The following NECAB2 variants were observed in gnomAD, a reference collection of about 807,000 sequenced individuals.
The protein encoded by NECAB2 is N-terminal EF-hand calcium-binding protein 2.
Under a neutral mutation model 51.9 loss-of-function variants are expected in NECAB2, and 68 were observed. The observed-to-expected ratio is 1.31, with a 90% confidence interval of 1.08 to 1.60. The LOEUF (loss-of-function observed/expected upper bound fraction) is 1.60, where lower values mean the gene tolerates loss of function less well. NECAB2 is among the 40% of genes most tolerant of loss of function. NECAB2 has a pLI of 0.00. For missense variants in NECAB2, 854 were observed against 490.3 expected, an observed-to-expected ratio of 1.74 and a Z score of -7.00; for synonymous variants, 329 against 203.5, an observed-to-expected ratio of 1.62 and a Z score of -5.25.
chr16:83,995,587 C>G (rs1196798020), intron 8 of NECAB2, among the ~76,000 whole-genome samples: 1 of 152,212 alleles, frequency 6.6e-6, no homozygotes, highest in Non-Finnish European at 1.5e-5. Flanking sequence ...CCACATAAGC[C>G]AAGGTAACTG....
At chr16:83,997,577 T>G (rs1242453077) in intron 9 of NECAB2, among the ~76,000 whole-genome samples, 5 of 137,710 alleles carry the variant, frequency 3.6e-5, no homozygotes. Context: ...AACCTCTGCC[T>G]CCTGGGTTCA....
chr16:83,968,958 C>A, intron 1 of NECAB2, 109 bp downstream of exon 1: 1 of 653,804 alleles, frequency 1.5e-6, no homozygotes, highest in Non-Finnish European at 1.9e-6. Flanking sequence ...CCTCCCTACC[C>A]GGGCAGGAGA....
At chr16:83,999,585 C>G (rs973611733) in intron 10 of NECAB2, among the ~76,000 whole-genome samples, 2 of 152,128 alleles carry the variant, frequency 1.3e-5, no homozygotes, top group African/African-American at 4.8e-5. Flanking sequence ...TCCTCCCCAG[C>G]TTTTGGCCCC....
At chr16:83,989,290 A>T (rs958628393) in intron 5 of NECAB2, among the ~76,000 whole-genome samples, 29 of 152,190 alleles carry the variant, frequency 1.9e-4, no homozygotes, top group African/African-American at 7.0e-4. Flanking sequence ...GTACTCTGTC[A>T]GGGTCTGTCC....
chr16:83,981,725 C>T (rs1017189153), intron 5 of NECAB2, among the ~76,000 whole-genome samples: 5 of 152,204 alleles, frequency 3.3e-5, no homozygotes, highest in Admixed American at 2.6e-4. Flanking sequence ...GGGAGTGTAG[C>T]ATGAGACTCC....
chr16:83,993,620 CTGTGTGTGTGTGTG>C lies in NECAB2; in HGVS notation c.597-646_597-633del, dbSNP rs57610964. ...TGTGCTGGACACAGTGCAAGGTGAGCTGTGTGTGTGTGTGTGTGTGTGTGTGTGTGTGTGTGTGT... is the reference window on the plus strand; with the variant it reads ...TGTGCTGGACACAGTGCAAGGTGAGCTGTGTGTGTGTGTGTGTGTGTGTGT... On this transcript the variant is annotated intron_variant, in intron 6 of 12. Coordinates refer to ENST00000305202, the MANE Select transcript of NECAB2 (RefSeq NM_019065.3). 988 of 135,438 alleles carry C rather than the reference CTGTGTGTGTGTGTG, an allele frequency of 7.3e-3. 6 individuals carry two copies. The highest frequency in any genetic ancestry group is 0.024 in the African/African-American group (883 of 36,508). The allele number at this position is 135,438 out of a possible 1,614,324, so 8.4% of individuals were successfully genotyped here.
chr16:84,002,014 G>C lies in NECAB2; in HGVS notation c.1132+98G>C. Reference sequence around the variant, plus strand: ...ATATCTCCCGGGGACTTGCCTGCTTGCTGTGGGCCCACTGTCAGCTCCTGC... The same window carrying C: ...ATATCTCCCGGGGACTTGCCTGCTTCCTGTGGGCCCACTGTCAGCTCCTGC... On this transcript the variant is annotated intron_variant, in intron 12 of 12. Coordinates refer to ENST00000305202, the MANE Select transcript of NECAB2 (RefSeq NM_019065.3). 3 of 1,358,048 alleles carry C rather than the reference G, an allele frequency of 2.2e-6. No homozygotes were observed. The South Asian group carries it at 3.7e-5, about 17-fold the overall frequency. The allele number at this position is 1,358,048 out of a possible 1,614,324, so 84.1% of individuals were successfully genotyped here.
In NECAB2 at chr16:83,995,070, A is replaced by G. The variant is rs931858886; in HGVS notation, c.795+382A>G. 4.6e-5 allele frequency among the ~76,000 whole-genome samples: 7 copies of G among 152,202 alleles called. No homozygotes were observed. The South Asian group carries it at 8.3e-4, about 18-fold the overall frequency. Reference sequence around the variant, plus strand: ...CCGAAAGGCAGCACCAGGATGAAAGAGAGACGTGATGATTCGAGAGAGTTT... The same window carrying G: ...CCGAAAGGCAGCACCAGGATGAAAGGGAGACGTGATGATTCGAGAGAGTTT... On this transcript the variant is annotated intron_variant, in intron 8 of 12. Coordinates refer to ENST00000305202, the MANE Select transcript of NECAB2 (RefSeq NM_019065.3).
intron 6 of NECAB2, among the ~76,000 whole-genome samples, chr16:83,990,876 A>G (rs1433462299): frequency 1.3e-5 from 2 of 152,182 alleles, no homozygotes; most frequent in Non-Finnish European, 2.9e-5. Context: ...GTACATATTT[A>G]TTAATACAGT....
At chr16:83,996,881 T>A (rs1381846735) in intron 8 of NECAB2, among the ~76,000 whole-genome samples, 1 of 152,114 alleles carries the variant, frequency 6.6e-6, no homozygotes, top group Non-Finnish European at 1.5e-5. Flanking sequence ...ATTAGATCCC[T>A]GAGGTGCTGG....
At chr16:84,000,941 G>C (rs951336789) in intron 11 of NECAB2, 140 bp downstream of exon 11, 22 of 783,304 alleles carry the variant, frequency 2.8e-5, no homozygotes, top group African/African-American at 2.7e-4. Flanking sequence ...CCGCTGGCAT[G>C]CTTGCGTCAG....
chr16:83,966,117 G>C, upstream of NECAB2: 1 of 900,130 alleles, frequency 1.1e-6, no homozygotes, highest in South Asian at 1.8e-5. Flanking sequence ...GTCAGCCCAC[G>C]TTGCTGGCCT....
chr16:83,991,665 T>C (rs1399490071), intron 6 of NECAB2, among the ~76,000 whole-genome samples: 2 of 151,774 alleles, frequency 1.3e-5, no homozygotes, highest in East Asian at 1.9e-4. Flanking sequence ...ATTTTATTTA[T>C]TGACACAGAA....
upstream of NECAB2, chr16:83,965,729 G>T (rs1255861594): frequency 6.2e-7 from 1 of 1,613,654 alleles, no homozygotes; most frequent in South Asian, 1.1e-5. Flanking sequence ...TGTCGAGAAG[G>T]TGTTTGGGGT....
chr16:83,987,156 G>C lies in NECAB2; in HGVS notation c.460-3338G>C, dbSNP rs375179560. On this transcript the variant is annotated intron_variant, in intron 5 of 12. Coordinates refer to ENST00000305202, the MANE Select transcript of NECAB2 (RefSeq NM_019065.3). ...ACAAAGTAGCTCCTGAATAAGGAAA[G>C]ACTTAGATAAACTAGAAAAAATAGT... 1.5e-4 allele frequency among the ~76,000 whole-genome samples: 23 copies of C among 152,300 alleles called. 1 individual carries two copies. In the South Asian group the frequency reaches 4.8e-3, roughly 32 times the overall value.
chr16:83,978,153 G>T (rs1424854345), intron 2 of NECAB2, among the ~76,000 whole-genome samples: 2 of 152,256 alleles, frequency 1.3e-5, no homozygotes, highest in Non-Finnish European at 2.9e-5. Context: ...ATTATTGTTA[G>T]TTTGAGGATT....
intron 5 of NECAB2, among the ~76,000 whole-genome samples, chr16:83,989,039 C>T (rs1011604327): frequency 6.6e-6 from 1 of 152,248 alleles, no homozygotes; most frequent in South Asian, 2.1e-4. Context: ...TCGCTGACCA[C>T]ATCTTCAGTC....
chr16:84,001,989 A>C (rs2271302), intron 12 of NECAB2, 73 bp downstream of exon 12: 11 of 1,504,662 alleles, frequency 7.3e-6, no homozygotes, highest in African/African-American at 5.6e-5. Flanking sequence ...AGGCTGCCCC[A>C]TATCTCCCGG....
rs371267139 is a variant in NECAB2, at chr16:84,002,393, G to A, written c.*47G>A. ...AGGAGCCCACCAGCCCCTTCTTCTT[G>A]TGAAGGAAATCCCGTTTTTTTCTAG... On this transcript the variant is annotated 3_prime_UTR_variant, in exon 13 of 13. Transcript: ENST00000305202. 3.2e-6 allele frequency: 5 copies of A among 1,587,038 alleles called. No homozygotes were observed. In the African/African-American group the frequency reaches 8.0e-5, roughly 26 times the overall value.
Sources: gnomAD v4.1 joint callset for allele counts (sites outside exome capture counted in the v4.1 genomes callset) on GRCh38, gnomAD v4.1.1 for gene constraint, MANE v1.5 for transcripts, NCBI Gene and HGNC (gene_info 2026-07-23, HGNC 2026-07-21) for gene names.